ANKS3: variants seen among roughly 807,000 people sequenced by gnomAD.
ANKS3 encodes ankyrin repeat and SAM domain-containing protein 3.
In ANKS3, 62 loss-of-function variants were observed where a neutral mutation model predicts 80.7. The observed-to-expected ratio is 0.77, with a 90% CI of 0.63 to 0.95. The LOEUF (loss-of-function observed/expected upper bound fraction) is 0.95. Ranked by LOEUF, ANKS3 falls within the 40% of genes least tolerant of loss-of-function variation. The probability of loss-of-function intolerance (pLI) is 0.00; values close to 1 mark genes in which losing one functional copy is unlikely to be tolerated. For missense variants in ANKS3, 1,150 were observed against 883.6 expected (o/e 1.30, Z -3.82); for synonymous variants, 489 against 355.3 (o/e 1.38, Z -4.23).
intron 8 of ANKS3, among the ~76,000 whole-genome samples, chr16:4,703,680 G>C (rs2080039044): frequency 6.6e-6 from 1 of 152,130 alleles, no homozygotes; most frequent in African/African-American, 2.4e-5. Context: ...CAAAGTGCTG[G>C]GATTACAGGC....
In ANKS3 at chr16:4,730,069, C is replaced by G. The variant is rs924250211; in HGVS notation, c.81G>C (p.Gln27His). Residue 27 changes from glutamine to histidine, a missense_variant, in exon 3 of 18, where the codon CAG (glutamine) becomes CAC (histidine). Physicochemically the swap from Gln to His is conservative, Grantham distance 24. Coordinates refer to ENST00000304283, the MANE Select transcript of ANKS3 (RefSeq NM_133450.4). ...GGACATCCAGCTCCTCCCCGCTGAC[C>G]TGTGTCCCGAGCCCGTGCCACATGG... ...SLSMWHGLGT[Q>H]VSGEELDVPL... 6.3e-7 allele frequency: 1 copy of G among 1,594,662 alleles called. No homozygotes were observed. The highest frequency in any genetic ancestry group is 8.6e-7 in the Non-Finnish European group (1 of 1,168,928).
chr16:4,700,845 T>C lies in ANKS3; in HGVS notation c.1284+125A>G, dbSNP rs771377112. On this transcript the variant is annotated intron_variant, in intron 11 of 17. Transcript: ENST00000304283. ...TGAGCCTGTGGAGCCTAACAGGCCA[T>C]GGGGATGCCACCGCCATTCTGTTCT... is the stretch of plus-strand genomic sequence containing the variant. 5.5e-5 allele frequency: 71 copies of C among 1,292,662 alleles called. 2 individuals are homozygous for C. In the South Asian group the frequency reaches 6.6e-4, roughly 12 times the overall value. The allele number at this position is 1,292,662 out of a possible 1,614,324, so 80.1% of individuals were successfully genotyped here.
intron 8 of ANKS3, among the ~76,000 whole-genome samples, chr16:4,704,122 G>C (rs920340712): frequency 2.6e-5 from 4 of 152,306 alleles, no homozygotes; most frequent in Admixed American, 2.6e-4. Flanking sequence ...CCAGCAGCTC[G>C]AGAGAGGCCT....
chr16:4,703,303 A>C (rs942935319), intron 8 of ANKS3, among the ~76,000 whole-genome samples: 1 of 152,110 alleles, frequency 6.6e-6, no homozygotes, highest in South Asian at 2.1e-4. Flanking sequence ...TTGTAGAGAT[A>C]GGGTCTTGCT....
chr16:4,712,540 G>A (rs2080551939), intron 7 of ANKS3, among the ~76,000 whole-genome samples: 1 of 152,122 alleles, frequency 6.6e-6, no homozygotes, highest in African/African-American at 2.4e-5. Context: ...TTCATTATTA[G>A]GAGGTTCATG....
At chr16:4,724,930 C>T (rs149584068) in intron 5 of ANKS3, 99 bp from the exon 6 acceptor site, 15 of 984,502 alleles carry the variant, frequency 1.5e-5, no homozygotes, top group Admixed American at 4.4e-5. Flanking sequence ...CACGAGTCAC[C>T]GATCCCTAAG....
intron 6 of ANKS3, among the ~76,000 whole-genome samples, chr16:4,723,461 G>A (rs2142137086): frequency 6.6e-6 from 1 of 152,258 alleles, no homozygotes; most frequent in Middle Eastern, 3.4e-3. Flanking sequence ...TCCACTCTGT[G>A]ACCCAGAATG....
At chr16:4,699,212 G>C (rs544509583) in intron 11 of ANKS3, 36 bp from the exon 12 acceptor site, 3 of 1,609,616 alleles carry the variant, frequency 1.9e-6, no homozygotes, top group Non-Finnish European at 2.5e-6. Flanking sequence ...GGGAGGTAGT[G>C]GCTGACGACG....
chr16:4,728,281 G>A (rs548265166), intron 3 of ANKS3, among the ~76,000 whole-genome samples: 2 of 152,088 alleles, frequency 1.3e-5, no homozygotes, highest in South Asian at 2.1e-4. Flanking sequence ...TCCTGACCTC[G>A]TGATCCACCC....
chr16:4,697,300 G>A (rs2079615984), intron 16 of ANKS3, 33 bp downstream of exon 16: 1 of 1,578,118 alleles, frequency 6.3e-7, no homozygotes. Flanking sequence ...GAAACAAAAG[G>A]AGCGCTCAGT....
intron 6 of ANKS3, among the ~76,000 whole-genome samples, chr16:4,722,856 T>G (rs2081173841): frequency 6.7e-6 from 1 of 150,058 alleles, no homozygotes; most frequent in East Asian, 2.0e-4. Context: ...AGGTAGAGGT[T>G]GCAGTGAGCC....
At chr16:4,706,711 T>C (rs1474882120) in intron 7 of ANKS3, among the ~76,000 whole-genome samples, 1 of 152,208 alleles carries the variant, frequency 6.6e-6, no homozygotes, top group Non-Finnish European at 1.5e-5. Context: ...TTTTAAGAGA[T>C]ACGTGAGTTG....
intron 6 of ANKS3, among the ~76,000 whole-genome samples, chr16:4,719,232 T>G (rs2080959080): frequency 6.6e-6 from 1 of 152,194 alleles, no homozygotes; most frequent in South Asian, 2.1e-4. Context: ...CTCAGGAGGC[T>G]GAGTTGCAAG....
intron 17 of ANKS3, 48 bp from the exon 18 acceptor site, chr16:4,696,944 T>C: frequency 2.8e-6 from 4 of 1,407,026 alleles, no homozygotes; most frequent in Non-Finnish European, 3.0e-6. Context: ...GGTGGGTGCA[T>C]ACCCACACCT....
rs770284229 is a variant in ANKS3, at chr16:4,726,753, T to C, written c.397A>G (p.Ile133Val). Reference sequence around the variant, plus strand: ...TGGAAGAGGGCTGTCCAGCCCTGGATGTCTTTCATTTCTAGCTCTGCACCT... The same window carrying C: ...TGGAAGAGGGCTGTCCAGCCCTGGACGTCTTTCATTTCTAGCTCTGCACCT... ...QQGAELEMKD[I>V]QGWTALFHCT... The change falls in exon 5 of 18, where the codon ATC becomes GTC. Residue 133 changes from isoleucine to valine, a missense_variant. Transcript: ENST00000304283. 7 of 1,614,022 alleles carry C rather than the reference T, an allele frequency of 4.3e-6. No individual in the cohort carries two copies. The South Asian group carries it at 6.6e-5, about 15-fold the overall frequency.
Position 4,705,211 on chromosome 16 carries a change from G to A in ANKS3, c.752C>T (p.Ala251Val). Residue 251 changes from alanine to valine, a missense_variant, in exon 8 of 18, where the codon GCT becomes GTT. Ala to Val is a moderately conservative substitution (Grantham distance 64). Coordinates refer to ENST00000304283, the MANE Select transcript of ANKS3 (RefSeq NM_133450.4). The stretch of plus-strand genomic sequence containing the variant: ...CCGGCAAGGCCTCTGTCTCTGAGGA[G>A]CAGGGCAGGACTCGTCAGAAGAGCT... ...DLSSSDESCP[A>V]PQRQRPCRKK... The A allele has an allele frequency of 1.2e-6, 2 of 1,614,062 alleles. No individual in the cohort carries two copies. Among genetic ancestry groups the A allele is most frequent in the South Asian group, 1.1e-5 (1 of 91,082 alleles).
At position 4,705,081 on chromosome 16, in the gene ANKS3, C is replaced by A. The variant is rs188134584; in HGVS notation, c.868+14G>T. The A allele has an allele frequency of 6.2e-7, 1 of 1,609,886 alleles. No individual in the cohort carries two copies. Among genetic ancestry groups the A allele is most frequent in the Non-Finnish European group, 8.5e-7 (1 of 1,178,984 alleles). ...GCAATGAGAAAGAGCCCTCGGGAAA[C>A]GCGGGCCACTCACCATAGCGAGGCC... On this transcript the variant is annotated intron_variant, in intron 8 of 17. Transcript: ENST00000304283.
chr16:4,715,536 C>T (rs1424907092), intron 6 of ANKS3, among the ~76,000 whole-genome samples: 1 of 152,176 alleles, frequency 6.6e-6, no homozygotes, highest in East Asian at 1.9e-4. Context: ...CTTGACGCTG[C>T]AGCGAGCTGA....
rs368801833 is a variant in ANKS3 at position 4,696,784 on chromosome 16, C to G, written c.*124G>C. On this transcript the variant is annotated 3_prime_UTR_variant, in exon 18 of 18. Transcript: ENST00000304283. ...TCTGTCTGCCGGCTGCTCCCGGGGC[C>G]TGATCCTCTGGCCCCCACTGGGCCT... 1 of 580,882 alleles carries G rather than the reference C, an allele frequency of 1.7e-6. No individual in the cohort carries two copies. Among genetic ancestry groups the G allele is most frequent in the African/African-American group, 1.9e-5 (1 of 53,244 alleles). 36.0% of individuals were successfully genotyped at this position (580,882 alleles called of 1,614,324 possible). A position where few individuals can be genotyped will look rare whatever the true frequency, so the allele number is the denominator to read the frequency against.
Sources: gnomAD v4.1 joint callset for allele counts (sites outside exome capture counted in the v4.1 genomes callset) on GRCh38, gnomAD v4.1.1 for gene constraint, MANE v1.5 for transcripts, NCBI Gene and HGNC (gene_info 2026-07-23, HGNC 2026-07-21) for gene names.